CEP70: variants seen among roughly 807,000 people sequenced by gnomAD.
CEP70 encodes the protein centrosomal protein of 70 kDa.
A neutral mutation model predicts 90.9 loss-of-function variants in CEP70; 70 were observed. The ratio of observed to expected loss-of-function variants is 0.77; its 90% CI spans 0.64 to 0.94. CEP70 has a LOEUF of 0.94. CEP70 is among the 40% of genes least tolerant of loss of function. The pLI is 0.00. For synonymous variants in CEP70, 220 were observed against 228.3 expected, an observed-to-expected ratio of 0.96 and a Z score of 0.33; for missense variants, 648 against 669.0, an observed-to-expected ratio of 0.97 and a Z score of 0.35.
At chr3:138,577,737 A>G (rs1271483901) in intron 2 of CEP70, among the ~76,000 whole-genome samples, 4 of 152,216 alleles carry the variant, frequency 2.6e-5, no homozygotes, top group East Asian at 1.9e-4. Flanking sequence ...ATGGTACTTG[A>G]CAATATGGTA....
At chr3:138,497,095 T>C (rs2034003837) in intron 17 of CEP70, 18 of 1,050,750 alleles carry the variant, frequency 1.7e-5, no homozygotes, top group Non-Finnish European at 2.1e-5. Context: ...AATTACATTT[T>C]CACTTGCTGT....
intron 11 of CEP70, among the ~76,000 whole-genome samples, chr3:138,516,012 C>T (rs1228591997): frequency 6.6e-6 from 1 of 152,192 alleles, no homozygotes; most frequent in African/African-American, 2.4e-5. Context: ...CTCCATTCTC[C>T]AATTCCAAAT....
chr3:138,521,344 A>T (rs563153596), intron 11 of CEP70, among the ~76,000 whole-genome samples: 1 of 146,888 alleles, frequency 6.8e-6, no homozygotes, highest in Non-Finnish European at 1.5e-5. Flanking sequence ...CCCGGCCGCC[A>T]CCCCGTCTGG....
At chr3:138,517,763 G>A (rs908791109) in intron 11 of CEP70, among the ~76,000 whole-genome samples, 1 of 152,266 alleles carries the variant, frequency 6.6e-6, no homozygotes, top group Non-Finnish European at 1.5e-5. Flanking sequence ...GAGCAACGCA[G>A]AAGACGGGTG....
At chr3:138,502,567 CATA>C (rs1030278227) in intron 13 of CEP70, among the ~76,000 whole-genome samples, 1 of 151,186 alleles carries the variant, frequency 6.6e-6, no homozygotes, top group African/African-American at 2.4e-5. Context: ...CAAGTAACAG[CATA>C]ATGATACCTT....
At chr3:138,501,674 A>G (rs1194878966) in intron 13 of CEP70, among the ~76,000 whole-genome samples, 1 of 152,194 alleles carries the variant, frequency 6.6e-6, no homozygotes, top group Non-Finnish European at 1.5e-5. Flanking sequence ...ATAATACTCC[A>G]CTTAGTTTTC....
At chr3:138,553,303 C>T (rs1396058338) in intron 6 of CEP70, among the ~76,000 whole-genome samples, 1 of 152,026 alleles carries the variant, frequency 6.6e-6, no homozygotes, top group African/African-American at 2.4e-5. Flanking sequence ...CACGGTGAAA[C>T]CCCGTGTCTA....
At chr3:138,505,490 G>A in intron 12 of CEP70, 25 bp from the exon 13 acceptor site, 6 of 1,481,738 alleles carry the variant, frequency 4.0e-6, no homozygotes, top group Non-Finnish European at 5.4e-6. Context: ...AGTGTATATA[G>A]TCAAAATATT....
chr3:138,567,957 G>A (rs2040901559), intron 6 of CEP70, among the ~76,000 whole-genome samples: 1 of 152,040 alleles, frequency 6.6e-6, no homozygotes, highest in South Asian at 2.1e-4. Flanking sequence ...TAATAGAAAT[G>A]AGGCAACCTA....
intron 13 of CEP70, among the ~76,000 whole-genome samples, chr3:138,502,213 C>A (rs2034575211): frequency 6.6e-6 from 1 of 152,092 alleles, no homozygotes. Flanking sequence ...TTTTCCCATA[C>A]AAAGTCTTCT....
chr3:138,513,699 A>G (rs2035741375), intron 11 of CEP70, among the ~76,000 whole-genome samples: 1 of 152,234 alleles, frequency 6.6e-6, no homozygotes, highest in Admixed American at 6.5e-5. Context: ...CACTTCAAGG[A>G]CTGTCAGCTC....
chr3:138,578,533 T>C (rs1341430303), intron 2 of CEP70, among the ~76,000 whole-genome samples: 1 of 152,050 alleles, frequency 6.6e-6, no homozygotes, highest in African/African-American at 2.4e-5. Context: ...GAGCCCATGA[T>C]GAGAAGAAAC....
chr3:138,510,629 G>T (rs1218172050), intron 11 of CEP70, among the ~76,000 whole-genome samples: 1 of 152,106 alleles, frequency 6.6e-6, no homozygotes, highest in Admixed American at 6.6e-5. Flanking sequence ...CATAGAGTCA[G>T]TTTAGTGGGT....
In CEP70 at chr3:138,540,751, C is replaced by T. The variant is rs190471957; in HGVS notation, c.466-3404G>A. On this transcript the variant is annotated intron_variant, in intron 6 of 17. Coordinates refer to ENST00000264982, the MANE Select transcript of CEP70 (RefSeq NM_024491.4). Reference sequence around the variant, plus strand: ...CAGCAATCTCATTATTGGGTATATACCCAGAGGAATACAAATCATTCTACC... The same window carrying T: ...CAGCAATCTCATTATTGGGTATATATCCAGAGGAATACAAATCATTCTACC... Among the ~76,000 whole-genome samples the T allele has an allele frequency of 5.3e-5, 8 of 152,200 alleles. No homozygotes were observed. In the East Asian group the frequency reaches 1.2e-3, roughly 22 times the overall value.
At chr3:138,509,681 GTTTT>G (rs1172488476) in intron 11 of CEP70, among the ~76,000 whole-genome samples, 4 of 152,052 alleles carry the variant, frequency 2.6e-5, no homozygotes, top group South Asian at 2.1e-4. Flanking sequence ...TAATAAATAA[GTTTT>G]TTTATTTTAT....
At chr3:138,510,856 C>CTTTT (rs869032871) in intron 11 of CEP70, among the ~76,000 whole-genome samples, 17 of 107,014 alleles carry the variant, frequency 1.6e-4, no homozygotes, top group East Asian at 5.8e-4. Flanking sequence ...CTTTTTCCAT[C>CTTTT]TTTTTTTTTT....
intron 2 of CEP70, among the ~76,000 whole-genome samples, chr3:138,583,103 A>T (rs1267260589): frequency 1.3e-5 from 2 of 152,192 alleles, no homozygotes; most frequent in Non-Finnish European, 2.9e-5. Context: ...TATAGACTGA[A>T]AATTAAGAAA....
At position 138,573,593 on chromosome 3, in the gene CEP70, AAAG is replaced by A. The variant is rs375242560; in HGVS notation, c.-5-664_-5-662del. Among the ~76,000 whole-genome samples the A allele has an allele frequency of 4.9e-4, 74 of 152,324 alleles. 1 individual carries two copies. The highest frequency in any genetic ancestry group is 1.7e-3 in the African/African-American group (69 of 41,560). ...TGCATCTGCTCTGTAAAAAAATTCT[AAAG>A]AAGCTGCTTCATGCAGAAGACTCCC... is the stretch of plus-strand genomic sequence containing the variant. On this transcript the variant is annotated intron_variant, in intron 2 of 17. Transcript: ENST00000264982.
chr3:138,521,569 G>C lies in CEP70; in HGVS notation c.944+3921C>G, dbSNP rs559534414. 3.4e-4 allele frequency among the ~76,000 whole-genome samples: 50 copies of C among 147,026 alleles called. No homozygotes were observed. The South Asian group carries it at 0.01, about 30-fold the overall frequency. ...TGGGATGTGAGGAGCGCCTCTGCCC[G>C]GCCGCCCTGTCTGGGAGGTGAGGAG... On this transcript the variant is annotated intron_variant, in intron 11 of 17. Transcript: ENST00000264982.
Sources: allele counts gnomAD v4.1 joint callset (sites outside exome capture counted in the v4.1 genomes callset), GRCh38; gene constraint gnomAD v4.1.1; transcripts MANE v1.5; gene names NCBI Gene and HGNC (gene_info 2026-07-23, HGNC 2026-07-21).